Variants in MCCC2 observed in about 807,000 individuals in gnomAD.
MCCC2 encodes methylcrotonyl-CoA carboxylase subunit 2, also known as methylcrotonoyl-CoA carboxylase beta chain, mitochondrial.
Under a neutral mutation model 77.2 loss-of-function variants are expected in MCCC2, and 52 were observed. That is an observed-to-expected ratio of 0.67 (90% CI 0.54 to 0.85). The LOEUF (loss-of-function observed/expected upper bound fraction) is 0.85. Ranked by LOEUF, MCCC2 falls within the 40% of genes least tolerant of loss-of-function variation. MCCC2 has a pLI of 0.00. For synonymous variants in MCCC2, 253 were observed against 248.4 expected, an observed-to-expected ratio of 1.02 and a Z score of -0.18; for missense variants, 682 against 703.2, an observed-to-expected ratio of 0.97 and a Z score of 0.34.
At chr5:71,648,327 G>C (rs1472429142) in intron 13 of MCCC2, among the ~76,000 whole-genome samples, 2 of 152,228 alleles carry the variant, frequency 1.3e-5, no homozygotes, top group African/African-American at 4.8e-5. Flanking sequence ...TTATAAGGCA[G>C]AGAAAGAGGA....
rs367635502 is a variant in MCCC2, at chr5:71,602,539, C to T, written c.417C>T (p.Thr139=). 139 of 1,613,898 alleles carry T rather than the reference C, an allele frequency of 8.6e-5. 1 individual carries two copies. Among genetic ancestry groups the T allele is most frequent in the Middle Eastern group, 1.6e-4 (1 of 6,084 alleles). The part of the protein sequence containing the change: ...VECMIIANDA[T]VKGGAYYPVT... ...GCATGATTATTGCCAATGATGCCAC[C>T]GTCAAAGGAGGTGCCTACTACCCAG... The change falls in exon 5 of 17, where the codon ACC becomes ACT. Residue 139 remains threonine (T), a synonymous_variant. Coordinates refer to ENST00000340941, the MANE Select transcript of MCCC2 (RefSeq NM_022132.5).
intron 15 of MCCC2, among the ~76,000 whole-genome samples, chr5:71,650,900 T>C (rs1747420711): frequency 6.6e-6 from 1 of 152,222 alleles, no homozygotes; most frequent in Non-Finnish European, 1.5e-5. Context: ...CCACTCGCCT[T>C]GGCCTCCCAA....
At position 71,616,982 on chromosome 5, in the gene MCCC2, A is replaced by G. The variant is rs143186127; in HGVS notation, c.625-9658A>G. 9.5e-3 allele frequency among the ~76,000 whole-genome samples: 1,448 copies of G among 152,216 alleles called. 26 individuals carry two copies. Among genetic ancestry groups the G allele is most frequent in the African/African-American group, 0.033 (1,381 of 41,524 alleles). Reference sequence around the variant, plus strand: ...CTGTCTGCCTAGTCTATCCTTTCCCATACAGTGGACACATGCTGCAAGGTT... The same window carrying G: ...CTGTCTGCCTAGTCTATCCTTTCCCGTACAGTGGACACATGCTGCAAGGTT... On this transcript the variant is annotated intron_variant, in intron 6 of 16. Coordinates refer to ENST00000340941, the MANE Select transcript of MCCC2 (RefSeq NM_022132.5).
intron 10 of MCCC2, chr5:71,635,928 AAAG>A (rs1480602384): frequency 6.2e-6 from 1 of 160,250 alleles, no homozygotes; most frequent in Non-Finnish European, 1.4e-5. Context: ...AAAATACAGA[AAAG>A]AAAAAAATTA....
intron 6 of MCCC2, among the ~76,000 whole-genome samples, chr5:71,622,451 A>T (rs949923184): frequency 6.6e-6 from 1 of 152,162 alleles, no homozygotes; most frequent in African/African-American, 2.4e-5. Context: ...TTGAGATATA[A>T]TTCAAATATC....
chr5:71,633,076 G>GT (rs1052048618), intron 8 of MCCC2, among the ~76,000 whole-genome samples: 60 of 111,034 alleles, frequency 5.4e-4, no homozygotes, highest in Non-Finnish European at 8.0e-4. Flanking sequence ...GAGGAGGAGG[G>GT]TTTTTTTTTC....
chr5:71,627,216 C>T (rs1317398389), intron 7 of MCCC2, among the ~76,000 whole-genome samples: 2 of 152,182 alleles, frequency 1.3e-5, no homozygotes, highest in Non-Finnish European at 2.9e-5. Flanking sequence ...TATGTATACA[C>T]TGTATTTTGT....
chr5:71,646,037 G>A (rs868002472), intron 12 of MCCC2, among the ~76,000 whole-genome samples, 174 bp from the exon 13 acceptor site: 14 of 150,434 alleles, frequency 9.3e-5, no homozygotes, highest in Middle Eastern at 3.4e-3. Context: ...ACTCCAGCCT[G>A]GGCAACAGAG....
At chr5:71,612,362 G>A (rs556597174) in intron 6 of MCCC2, among the ~76,000 whole-genome samples, 2 of 152,068 alleles carry the variant, frequency 1.3e-5, no homozygotes, top group Non-Finnish European at 2.9e-5. Context: ...AACATAGTTG[G>A]TTGTAATTGT....
intron 11 of MCCC2, among the ~76,000 whole-genome samples, chr5:71,643,399 A>G (rs1747182353): frequency 6.6e-6 from 1 of 152,010 alleles, no homozygotes; most frequent in African/African-American, 2.4e-5. Flanking sequence ...AAAAAAATTC[A>G]GTTTTCTGGC....
chr5:71,648,972 C>A, intron 13 of MCCC2, 125 bp from the exon 14 acceptor site: 1 of 1,118,088 alleles, frequency 8.9e-7, no homozygotes, highest in Non-Finnish European at 1.4e-6. Flanking sequence ...CACATATAAA[C>A]ATTTTCTTAA....
At chr5:71,605,924 A>C (rs1254538891) in intron 6 of MCCC2, among the ~76,000 whole-genome samples, 3 of 152,160 alleles carry the variant, frequency 2.0e-5, no homozygotes, top group Non-Finnish European at 4.4e-5. Context: ...GTTCTGTTCC[A>C]TTGATCTATA....
At chr5:71,651,364 G>A (rs529543033) in intron 15 of MCCC2, among the ~76,000 whole-genome samples, 6 of 152,300 alleles carry the variant, frequency 3.9e-5, no homozygotes, top group South Asian at 2.1e-4. Context: ...ATCAGCAAGC[G>A]GCTGCTTTTA....
intron 5 of MCCC2, 129 bp from the exon 6 acceptor site, chr5:71,604,227 A>G (rs1580283416): frequency 3.9e-6 from 3 of 770,338 alleles, no homozygotes; most frequent in Non-Finnish European, 4.5e-6. Context: ...GCTCTATAAC[A>G]GTTTAGAAAG....
At chr5:71,609,687 A>G (rs542271219) in intron 6 of MCCC2, among the ~76,000 whole-genome samples, 3 of 151,346 alleles carry the variant, frequency 2.0e-5, no homozygotes, top group Non-Finnish European at 3.0e-5. Flanking sequence ...TTTTTTCCCC[A>G]TCTTTGTGGT....
chr5:71,640,303 A>G (rs897604113), intron 10 of MCCC2, among the ~76,000 whole-genome samples: 1 of 150,840 alleles, frequency 6.6e-6, no homozygotes. Flanking sequence ...TACCCTGTTA[A>G]CTGATAGTGC....
intron 4 of MCCC2, among the ~76,000 whole-genome samples, chr5:71,600,747 G>A (rs1356879986): frequency 6.6e-6 from 1 of 152,172 alleles, no homozygotes; most frequent in Non-Finnish European, 1.5e-5. Flanking sequence ...TCTGGGCATG[G>A]CTGTATCTGG....
intron 3 of MCCC2, among the ~76,000 whole-genome samples, chr5:71,597,603 T>G (rs1022100675): frequency 3.9e-5 from 6 of 152,058 alleles, no homozygotes; most frequent in East Asian, 1.9e-4. Flanking sequence ...CAACAGGATT[T>G]CCTGAAGGAT....
intron 6 of MCCC2, among the ~76,000 whole-genome samples, chr5:71,613,104 AAC>A (rs1491359501): frequency 2.6e-5 from 4 of 152,204 alleles, no homozygotes; most frequent in Non-Finnish European, 4.4e-5. Flanking sequence ...ATCTTATAAG[AAC>A]ACTTGTCACT....
Sources: allele counts gnomAD v4.1 joint callset (sites outside exome capture counted in the v4.1 genomes callset), GRCh38; gene constraint gnomAD v4.1.1; transcripts MANE v1.5; gene names NCBI Gene and HGNC (gene_info 2026-07-23, HGNC 2026-07-21).